DLG2: variants seen among roughly 807,000 people sequenced by gnomAD.
The protein encoded by DLG2 is disks large homolog 2.
In DLG2, 45 loss-of-function variants were observed where a neutral mutation model predicts 132.5. The observed-to-expected ratio is 0.34, with a 90% CI of 0.27 to 0.44. The LOEUF (loss-of-function observed/expected upper bound fraction) is 0.44, where lower values mean the gene tolerates loss of function less well. Ranked by LOEUF, DLG2 falls within the 20% of genes least tolerant of loss-of-function variation. DLG2 has a pLI of 1.00. For missense variants in DLG2, 1,045 were observed against 1,196.9 expected, an observed-to-expected ratio of 0.87 and a Z score of 1.87; for synonymous variants, 424 against 419.6, an observed-to-expected ratio of 1.01 and a Z score of -0.13.
At chr11:85,212,461 A>T (rs2082314988) in intron 4 of DLG2, among the ~76,000 whole-genome samples, 1 of 152,094 alleles carries the variant, frequency 6.6e-6, no homozygotes, top group South Asian at 2.1e-4. Flanking sequence ...TTTCCATCAC[A>T]ACTGATTTGC....
At chr11:84,007,326 C>T (rs1299698047) in intron 11 of DLG2, among the ~76,000 whole-genome samples, 1 of 151,622 alleles carries the variant, frequency 6.6e-6, no homozygotes, top group Admixed American at 6.6e-5. Context: ...GATGCTCCCT[C>T]ATTATATTAT....
At chr11:84,345,228 A>C (rs2098534046) in intron 7 of DLG2, among the ~76,000 whole-genome samples, 1 of 152,190 alleles carries the variant, frequency 6.6e-6, no homozygotes, top group African/African-American at 2.4e-5. Context: ...TTTTATGCTG[A>C]CCTGGGAAAA....
intron 15 of DLG2, among the ~76,000 whole-genome samples, chr11:83,922,250 C>A (rs1378359020): frequency 6.6e-6 from 1 of 152,034 alleles, no homozygotes; most frequent in African/African-American, 2.4e-5. Flanking sequence ...TATTTCTTTC[C>A]ATGTAAACCC....
At chr11:83,577,811 A>G (rs1289190440) in intron 19 of DLG2, among the ~76,000 whole-genome samples, 1 of 127,832 alleles carries the variant, frequency 7.8e-6, no homozygotes, top group Non-Finnish European at 1.6e-5. Context: ...TATTTTATAT[A>G]TAAATACAAA....
At chr11:84,032,258 C>T (rs1379445326) in intron 11 of DLG2, among the ~76,000 whole-genome samples, 2 of 152,112 alleles carry the variant, frequency 1.3e-5, no homozygotes, top group African/African-American at 4.8e-5. Flanking sequence ...AAAGCTAGGC[C>T]TCCTATGCCA....
rs144862801 is a variant in DLG2 at position 83,906,232 on chromosome 11, G to GTCTCTCTCTCTCTCTCTCTCTCTC, written c.1496+24072_1496+24095dup. On this transcript the variant is annotated intron_variant, in intron 15 of 27. Coordinates refer to ENST00000376104, the MANE Select transcript of DLG2 (RefSeq NM_001142699.3). ...TAACTGGAAGATTGCTATAGTAGATGTCTCTCTCTCTCTCTCTCTCTCTCT... is the reference window on the plus strand; with the variant it reads ...TAACTGGAAGATTGCTATAGTAGATGTCTCTCTCTCTCTCTCTCTCTCTCTCTCTCTCTCTCTCTCTCTCTCTCT... Among the ~76,000 whole-genome samples, 20 of 71,674 alleles carry GTCTCTCTCTCTCTCTCTCTCTCTC rather than the reference G, an allele frequency of 2.8e-4. 1 individual carries two copies. The highest frequency in any genetic ancestry group is 5.6e-4 in the African/African-American group (12 of 21,256). 47.0% of individuals were successfully genotyped at this position (71,674 alleles called of 152,430 possible). A position where few individuals can be genotyped will look rare whatever the true frequency, so the allele number is the denominator to read the frequency against.
chr11:85,253,002 A>G (rs2076474956), intron 4 of DLG2, among the ~76,000 whole-genome samples: 1 of 152,180 alleles, frequency 6.6e-6, no homozygotes, highest in African/African-American at 2.4e-5. Context: ...TATTGTTAAA[A>G]TCCCTGAAAA....
intron 14 of DLG2, among the ~76,000 whole-genome samples, chr11:83,938,628 A>ACATT (rs1030066157): frequency 2.0e-5 from 3 of 152,194 alleles, no homozygotes; most frequent in Non-Finnish European, 4.4e-5. Flanking sequence ...ATTCATTTGT[A>ACATT]CATTCATTCA....
At chr11:84,503,595 T>C (rs2099228869) in intron 7 of DLG2, among the ~76,000 whole-genome samples, 1 of 152,174 alleles carries the variant, frequency 6.6e-6, no homozygotes, top group Admixed American at 6.5e-5. Flanking sequence ...GAGACCTCTG[T>C]GGCCAAGCTA....
At chr11:84,634,464 C>T (rs1190257017) in intron 6 of DLG2, among the ~76,000 whole-genome samples, 2 of 152,298 alleles carry the variant, frequency 1.3e-5, no homozygotes, top group Non-Finnish European at 2.9e-5. Context: ...CCAGTTTCAG[C>T]CAGTCACAGG....
At chr11:83,598,091 G>A (rs1054336914) in intron 19 of DLG2, among the ~76,000 whole-genome samples, 21 of 152,132 alleles carry the variant, frequency 1.4e-4, no homozygotes, top group African/African-American at 5.1e-4. Flanking sequence ...TATTTGCTCC[G>A]GGGTGGGAAT....
chr11:83,737,993 C>A (rs957421139), intron 18 of DLG2, among the ~76,000 whole-genome samples: 2 of 152,100 alleles, frequency 1.3e-5, no homozygotes. Flanking sequence ...CCTCTCAGAT[C>A]CATATTCAGA....
At chr11:85,477,117 C>A (rs574542133) in intron 3 of DLG2, among the ~76,000 whole-genome samples, 1 of 152,146 alleles carries the variant, frequency 6.6e-6, no homozygotes, top group African/African-American at 2.4e-5. Flanking sequence ...CATATGGGAC[C>A]ATAATCATAC....
intron 3 of DLG2, among the ~76,000 whole-genome samples, chr11:85,484,358 A>C (rs1597797855): frequency 1.3e-5 from 2 of 150,750 alleles, no homozygotes; most frequent in African/African-American, 2.5e-5. Context: ...AATGGGATCT[A>C]ATTAAACTAA....
intron 6 of DLG2, among the ~76,000 whole-genome samples, chr11:84,648,959 CT>C (rs1271143657): frequency 6.6e-6 from 1 of 152,078 alleles, no homozygotes; most frequent in East Asian, 1.9e-4. Context: ...GCCACAGTGC[CT>C]CATTTCTGAG....
At chr11:84,076,428 G>A (rs1377755595) in intron 10 of DLG2, among the ~76,000 whole-genome samples, 1 of 152,112 alleles carries the variant, frequency 6.6e-6, no homozygotes, top group Admixed American at 6.5e-5. Flanking sequence ...CTGTTTCATT[G>A]TTAAAATCAA....
chr11:84,581,990 T>A (rs1201155985), intron 6 of DLG2, among the ~76,000 whole-genome samples: 1 of 150,888 alleles, frequency 6.6e-6, no homozygotes. Flanking sequence ...TTAGTGTTCA[T>A]ATTCACAAAT....
intron 11 of DLG2, among the ~76,000 whole-genome samples, chr11:84,026,047 T>A (rs1398513776): frequency 6.6e-6 from 1 of 151,976 alleles, no homozygotes; most frequent in Non-Finnish European, 1.5e-5. Context: ...GTAGGCTGAT[T>A]TGAGGGATGA....
chr11:83,776,988 G>A (rs75409404), intron 18 of DLG2, among the ~76,000 whole-genome samples: 2,775 of 152,186 alleles, frequency 0.018, 45 homozygotes, highest in Non-Finnish European at 0.027. Flanking sequence ...TGTATAATTC[G>A]TTAGTGTGAT....
Sources: allele counts gnomAD v4.1 joint callset (sites outside exome capture counted in the v4.1 genomes callset), GRCh38; gene constraint gnomAD v4.1.1; transcripts MANE v1.5; gene names NCBI Gene and HGNC (gene_info 2026-07-23, HGNC 2026-07-21).